Variants in SLC2A13 observed in about 807,000 individuals in gnomAD.
SLC2A13 encodes the protein solute carrier family 2 member 13.
A neutral mutation model predicts 64.4 loss-of-function variants in SLC2A13; 32 were observed. The observed-to-expected ratio is 0.50, with a 90% CI of 0.37 to 0.67. The LOEUF (loss-of-function observed/expected upper bound fraction) is 0.67, where lower values mean the gene tolerates loss of function less well. Ranked by LOEUF, SLC2A13 falls within the 30% of genes least tolerant of loss-of-function variation. The pLI, the probability that SLC2A13 is intolerant of heterozygous loss-of-function variation, is 0.00. For synonymous variants in SLC2A13, 338 were observed against 327.1 expected (o/e 1.03, Z -0.36); for missense variants, 743 against 829.2 (o/e 0.90, Z 1.28).
In SLC2A13 at chr12:39,758,179, T is replaced by C. The variant is rs867342500; in HGVS notation, c.*1847A>G. 5 of 151,718 alleles carry C rather than the reference T, an allele frequency of 3.3e-5. No homozygotes were observed. Among genetic ancestry groups the C allele is most frequent in the South Asian group, 4.2e-4 (2 of 4,816 alleles). The allele number at this position is 151,718 out of a possible 1,614,324, so 9.4% of individuals were successfully genotyped here. ...TCAAGGAAAAAACCTCTATAAAATA[T>C]TAATTTTTTTTATTATATGAAATGA... On this transcript the variant is annotated 3_prime_UTR_variant, in exon 10 of 10. Coordinates refer to ENST00000280871, the MANE Select transcript of SLC2A13 (RefSeq NM_052885.4).
At chr12:39,868,055 G>A (rs887666243) in intron 5 of SLC2A13, among the ~76,000 whole-genome samples, 1 of 152,114 alleles carries the variant, frequency 6.6e-6, no homozygotes, top group African/African-American at 2.4e-5. Context: ...CTTATATTTA[G>A]TTAGTTACAG....
chr12:39,941,882 T>C (rs1010950807), intron 4 of SLC2A13, among the ~76,000 whole-genome samples: 11 of 152,232 alleles, frequency 7.2e-5, no homozygotes, highest in Admixed American at 5.2e-4. Flanking sequence ...TGAGTTGATT[T>C]TTCATAAGGT....
chr12:39,855,457 A>G (rs1943581590), intron 6 of SLC2A13, among the ~76,000 whole-genome samples: 1 of 152,228 alleles, frequency 6.6e-6, no homozygotes, highest in African/African-American at 2.4e-5. Flanking sequence ...GCCCTGGGGA[A>G]ATGAATTATG....
intron 3 of SLC2A13, among the ~76,000 whole-genome samples, chr12:39,999,833 C>A (rs1218448496): frequency 6.6e-6 from 1 of 152,122 alleles, no homozygotes; most frequent in Non-Finnish European, 1.5e-5. Flanking sequence ...GTGAACTAAT[C>A]CCTGTTCTTG....
At chr12:40,086,291 C>T (rs564093380) in intron 1 of SLC2A13, among the ~76,000 whole-genome samples, 55 of 152,220 alleles carry the variant, frequency 3.6e-4, no homozygotes, top group African/African-American at 1.3e-3. Context: ...CTACTCCCCA[C>T]CTGATATCAC....
At position 40,105,599 on chromosome 12, in the gene SLC2A13, C is replaced by CCGCCG; in HGVS notation, c.205_209dup (p.Gln71GlyfsTer122). On this transcript the variant is annotated frameshift_variant, in exon 1 of 10. Coordinates refer to ENST00000280871, the MANE Select transcript of SLC2A13 (RefSeq NM_052885.4). LOFTEE classifies it high-confidence loss of function. This position sits in a 1 kb window ranked among gnomAD's most constrained non-coding sequence, Gnocchi z 4.2. ...CGGGGGTCTCGTCCTGCTGGAACTG[C>CCGCCG]CGCCGCGCCGCGCGCTCCAGGTCCC... 1 of 1,525,622 alleles carries CCGCCG rather than the reference C, an allele frequency of 6.6e-7. No homozygotes were observed. Among genetic ancestry groups the CCGCCG allele is most frequent in the South Asian group, 1.2e-5 (1 of 81,270 alleles). The allele number at this position is 1,525,622 out of a possible 1,614,324, so 94.5% of individuals were successfully genotyped here.
intron 7 of SLC2A13, chr12:39,829,686 TACAGTCGTGATGC>T (rs1422708866): frequency 5.6e-6 from 1 of 179,986 alleles, no homozygotes; most frequent in Non-Finnish European, 1.2e-5. Context: ...GTGCTGGGAT[TACAGTCGTGATGC>T]ACTGTGCCCA....
At chr12:39,971,674 C>A (rs1946647780) in intron 3 of SLC2A13, among the ~76,000 whole-genome samples, 1 of 151,764 alleles carries the variant, frequency 6.6e-6, no homozygotes, top group Admixed American at 6.6e-5. Flanking sequence ...TATATGCCTA[C>A]AAGAAAAAAT....
At chr12:40,035,677 T>C (rs548927249) in intron 2 of SLC2A13, among the ~76,000 whole-genome samples, 2 of 152,322 alleles carry the variant, frequency 1.3e-5, no homozygotes, top group East Asian at 3.9e-4. Flanking sequence ...CGAGAAAGAT[T>C]CTGTATACAC....
intron 7 of SLC2A13, among the ~76,000 whole-genome samples, chr12:39,818,126 C>A (rs1292842566): frequency 6.6e-6 from 1 of 152,210 alleles, no homozygotes; most frequent in Non-Finnish European, 1.5e-5. Context: ...ACTCAAGTGA[C>A]ATCCCCAGGT....
Position 39,818,299 on chromosome 12 carries a change from A to T in SLC2A13, c.1445+11804T>A, listed in dbSNP as rs1212315491. Among the ~76,000 whole-genome samples, 3 of 142,880 alleles carry T rather than the reference A, an allele frequency of 2.1e-5. No individual in the cohort carries two copies. In the East Asian group the frequency reaches 6.3e-4, roughly 30 times the overall value. The allele number at this position is 142,880 out of a possible 152,430, so 93.7% of individuals were successfully genotyped here. On this transcript the variant is annotated intron_variant, in intron 7 of 9. Coordinates refer to ENST00000280871, the MANE Select transcript of SLC2A13 (RefSeq NM_052885.4). The stretch of plus-strand genomic sequence containing the variant: ...AGGAAAAAAAAAATGAGTTGGGGGG[A>T]GGGGGAGAAGACATTAAATACTGAT...
At chr12:39,874,714 A>G (rs1223998123) in intron 4 of SLC2A13, among the ~76,000 whole-genome samples, 2 of 152,070 alleles carry the variant, frequency 1.3e-5, no homozygotes, top group East Asian at 1.9e-4. Flanking sequence ...GTAATGCTCT[A>G]TGTTTGGACT....
In SLC2A13 at chr12:39,902,358, T is replaced by TA. The variant is rs57549426; in HGVS notation, c.1035-30398dup. On this transcript the variant is annotated intron_variant, in intron 4 of 9. Transcript: ENST00000280871. ...AGTATAATAATAATAAAATAAAAAT[T>TA]AAAAAAAAGAAGAGTGAAAAGATAT... Among the ~76,000 whole-genome samples the TA allele has an allele frequency of 7.4e-4, 112 of 151,250 alleles. 1 individual carries two copies. The highest frequency in any genetic ancestry group is 2.6e-3 in the African/African-American group (108 of 41,274).
Position 40,105,541 on chromosome 12 carries a change from G to A in SLC2A13, c.268C>T (p.Leu90=). Residue 90 remains leucine (L), a synonymous_variant, in exon 1 of 10, where the codon CTG becomes TTG. Transcript: ENST00000280871. This position sits in a 1 kb window ranked among gnomAD's most constrained non-coding sequence, Gnocchi z 4.2. Reference sequence around the variant, plus strand: ...TCATAGCCAAACAGGAAGCCGCCCAGCGCGGAGAAGACGGCCACCACGTAC... The same window carrying A: ...TCATAGCCAAACAGGAAGCCGCCCAACGCGGAGAAGACGGCCACCACGTAC... ...FVYVVAVFSA[L]GGFLFGYDTG... The A allele has an allele frequency of 6.3e-7, 1 of 1,580,904 alleles. No homozygotes were observed.
chr12:40,010,559 T>C (rs1479277550), intron 3 of SLC2A13, among the ~76,000 whole-genome samples: 1 of 152,158 alleles, frequency 6.6e-6, no homozygotes, highest in East Asian at 1.9e-4. Flanking sequence ...TTAAGACAGT[T>C]AAGCAAATTC....
intron 4 of SLC2A13, among the ~76,000 whole-genome samples, chr12:39,887,455 C>T (rs1185653094): frequency 1.3e-5 from 2 of 152,118 alleles, no homozygotes; most frequent in East Asian, 3.9e-4. Flanking sequence ...CCAGAGCAGG[C>T]TTACAGTGGA....
chr12:40,004,249 A>G (rs1947370323), intron 3 of SLC2A13, among the ~76,000 whole-genome samples: 2 of 152,010 alleles, frequency 1.3e-5, no homozygotes, highest in Non-Finnish European at 2.9e-5. Flanking sequence ...CAATGGTGCA[A>G]TCTCAGCTCA....
At chr12:40,079,852 ATGTCC>A (rs1938328153) in intron 1 of SLC2A13, among the ~76,000 whole-genome samples, 1 of 152,136 alleles carries the variant, frequency 6.6e-6, no homozygotes, top group African/African-American at 2.4e-5. Flanking sequence ...TCATTATGTA[ATGTCC>A]TTCTTTGTCC....
At chr12:40,048,748 A>T (rs1157707225) in intron 1 of SLC2A13, among the ~76,000 whole-genome samples, 1 of 152,190 alleles carries the variant, frequency 6.6e-6, no homozygotes, top group Non-Finnish European at 1.5e-5. Flanking sequence ...AGAATAAAAG[A>T]GTTTTACAGC....
Sources: allele counts gnomAD v4.1 joint callset (sites outside exome capture counted in the v4.1 genomes callset), GRCh38; gene constraint gnomAD v4.1.1; non-coding constraint Gnocchi (gnomAD v3.1); transcripts MANE v1.5; gene names NCBI Gene and HGNC (gene_info 2026-07-23, HGNC 2026-07-21).